Variants in NUBPL observed in about 807,000 individuals in gnomAD.
NUBPL encodes iron-sulfur cluster transfer protein NUBPL.
Under a neutral mutation model 45.7 loss-of-function variants are expected in NUBPL, and 31 were observed. The observed-to-expected ratio is 0.68, with a 90% CI of 0.51 to 0.92. The LOEUF (loss-of-function observed/expected upper bound fraction) is 0.92, where lower values mean the gene tolerates loss of function less well. Ranked by LOEUF, NUBPL falls within the 40% of genes least tolerant of loss-of-function variation. The pLI, the probability that NUBPL is intolerant of heterozygous loss-of-function variation, is 0.00. For missense variants in NUBPL, 401 were observed against 398.7 expected, an observed-to-expected ratio of 1.01 and a Z score of -0.05; for synonymous variants, 144 against 140.9, an observed-to-expected ratio of 1.02 and a Z score of -0.15.
intron 4 of NUBPL, among the ~76,000 whole-genome samples, chr14:31,651,275 G>C (rs567624430): frequency 8.5e-5 from 13 of 152,266 alleles, no homozygotes; most frequent in African/African-American, 2.9e-4. Flanking sequence ...TGGGATTAAG[G>C]CTGGTCTCAA....
intron 4 of NUBPL, among the ~76,000 whole-genome samples, chr14:31,641,247 G>T (rs553907186): frequency 3.3e-5 from 5 of 152,236 alleles, no homozygotes; most frequent in South Asian, 2.1e-4. Context: ...ACCGCGCCTG[G>T]CCAATCTTAT....
At chr14:31,793,629 G>C (rs1048205471) in intron 7 of NUBPL, among the ~76,000 whole-genome samples, 1 of 152,128 alleles carries the variant, frequency 6.6e-6, no homozygotes, top group Non-Finnish European at 1.5e-5. Context: ...CAATGAATGA[G>C]TGTTTTATCT....
At chr14:31,737,699 G>A (rs1790705332) in intron 6 of NUBPL, among the ~76,000 whole-genome samples, 1 of 152,130 alleles carries the variant, frequency 6.6e-6, no homozygotes, top group African/African-American at 2.4e-5. Flanking sequence ...CACAAGAATC[G>A]CTTGCACCTG....
chr14:31,596,580 A>C (rs538274643), intron 3 of NUBPL, among the ~76,000 whole-genome samples: 7 of 152,312 alleles, frequency 4.6e-5, no homozygotes, highest in African/African-American at 1.4e-4. Context: ...AATGTTGAGT[A>C]GTTACCATAG....
chr14:31,685,206 G>C (rs1373198488), intron 6 of NUBPL, among the ~76,000 whole-genome samples: 1 of 152,204 alleles, frequency 6.6e-6, no homozygotes, highest in Admixed American at 6.5e-5. Flanking sequence ...ACAAGTTTGG[G>C]AATCACTGGT....
chr14:31,746,724 C>T (rs2038407047), intron 6 of NUBPL, among the ~76,000 whole-genome samples: 1 of 151,854 alleles, frequency 6.6e-6, no homozygotes, highest in Non-Finnish European at 1.5e-5. Flanking sequence ...GGAAGCATTC[C>T]TCCACTTCAG....
At chr14:31,613,951 T>G (rs1243633539) in intron 4 of NUBPL, among the ~76,000 whole-genome samples, 3 of 152,030 alleles carry the variant, frequency 2.0e-5, no homozygotes, top group Admixed American at 6.6e-5. Context: ...TATATATATA[T>G]AGAAAATAAA....
intron 6 of NUBPL, among the ~76,000 whole-genome samples, chr14:31,678,876 C>G (rs780121879): frequency 1.3e-5 from 2 of 152,116 alleles, no homozygotes; most frequent in African/African-American, 2.4e-5. Flanking sequence ...GAGCTGCAGT[C>G]CTTGTAGCCT....
chr14:31,615,710 G>C lies in NUBPL; in HGVS notation c.382+16331G>C, dbSNP rs137974409. Among the ~76,000 whole-genome samples the C allele has an allele frequency of 3.0e-4, 45 of 152,230 alleles. No individual in the cohort carries two copies. The East Asian group carries it at 8.1e-3, about 27-fold the overall frequency. On this transcript the variant is annotated intron_variant, in intron 4 of 10. Coordinates refer to ENST00000281081, the MANE Select transcript of NUBPL (RefSeq NM_025152.3). ...CCAGTCCATCATTGATGGGCATTTG[G>C]GTGGGTTCCAAGTCTTTGCTATTGT...
chr14:31,693,856 T>TG (rs1566505009), intron 6 of NUBPL, among the ~76,000 whole-genome samples: 2 of 70,696 alleles, frequency 2.8e-5, no homozygotes, highest in African/African-American at 7.8e-5. Context: ...TCTTTTCTTT[T>TG]CTTTTTTTTT....
chr14:31,565,756 G>A (rs74426345), intron 3 of NUBPL, among the ~76,000 whole-genome samples: 78 of 151,982 alleles, frequency 5.1e-4, no homozygotes, highest in Middle Eastern at 6.8e-3. Flanking sequence ...CATTTTTGTA[G>A]GATAGATTCC....
chr14:31,665,035 T>C (rs146024147), intron 4 of NUBPL, among the ~76,000 whole-genome samples: 28 of 152,358 alleles, frequency 1.8e-4, no homozygotes, highest in African/African-American at 6.7e-4. Context: ...TATTCTCTGA[T>C]GGTATTCTGT....
chr14:31,664,397 G>C (rs551869132), intron 4 of NUBPL, among the ~76,000 whole-genome samples: 68 of 152,256 alleles, frequency 4.5e-4, no homozygotes, highest in African/African-American at 1.6e-3. Context: ...TTATTATTTT[G>C]AGATACGTTC....
intron 6 of NUBPL, among the ~76,000 whole-genome samples, chr14:31,675,332 A>C (rs1387346736): frequency 6.6e-6 from 1 of 152,114 alleles, no homozygotes; most frequent in Non-Finnish European, 1.5e-5. Flanking sequence ...TTTTATTGGG[A>C]GCTGAAAAGC....
chr14:31,848,190 A>G lies in NUBPL; in HGVS notation c.814+1599A>G, dbSNP rs151196192. 1.3e-3 allele frequency among the ~76,000 whole-genome samples: 200 copies of G among 152,316 alleles called. 1 individual carries two copies. Among genetic ancestry groups the G allele is most frequent in the African/African-American group, 4.1e-3 (169 of 41,578 alleles). ...AAATTTGATGGTGCCCTAGACTGCT[A>G]TGTCTGACAGTGTTAGGGGAAAAAT... On this transcript the variant is annotated intron_variant, in intron 9 of 10. Transcript: ENST00000281081.
intron 6 of NUBPL, among the ~76,000 whole-genome samples, chr14:31,707,526 G>A (rs936433209): frequency 2.6e-5 from 4 of 152,000 alleles, no homozygotes; most frequent in African/African-American, 7.3e-5. Context: ...CTTGATTAGA[G>A]TATAGAGGGG....
intron 7 of NUBPL, among the ~76,000 whole-genome samples, chr14:31,807,286 G>T (rs2039708959): frequency 6.6e-6 from 1 of 152,108 alleles, no homozygotes; most frequent in Admixed American, 6.6e-5. Context: ...AGCATCTGTT[G>T]TTTCCTGACT....
intron 6 of NUBPL, among the ~76,000 whole-genome samples, chr14:31,716,760 C>G (rs1384111258): frequency 6.6e-6 from 1 of 152,152 alleles, no homozygotes; most frequent in African/African-American, 2.4e-5. Flanking sequence ...GATTAGAATT[C>G]ATCACTCATC....
intron 6 of NUBPL, among the ~76,000 whole-genome samples, chr14:31,725,580 G>T (rs990590773): frequency 1.3e-5 from 2 of 152,000 alleles, no homozygotes; most frequent in Non-Finnish European, 2.9e-5. Context: ...GAAATAATTT[G>T]GTGCATGAAA....
Sources: allele counts gnomAD v4.1 joint callset (sites outside exome capture counted in the v4.1 genomes callset), GRCh38; gene constraint gnomAD v4.1.1; transcripts MANE v1.5; gene names NCBI Gene and HGNC (gene_info 2026-07-23, HGNC 2026-07-21).